Variants in ARHGAP21 observed in about 807,000 individuals in gnomAD.
The protein encoded by ARHGAP21 is rho GTPase-activating protein 21.
A neutral mutation model predicts 164.6 loss-of-function variants in ARHGAP21; 38 were observed. That is an observed-to-expected ratio of 0.23 (90% CI 0.18 to 0.30). ARHGAP21 has a LOEUF of 0.30. Ranked by LOEUF, ARHGAP21 falls within the 10% of genes least tolerant of loss-of-function variation. The pLI is 1.00. For missense variants in ARHGAP21, 1,822 were observed against 2,370.7 expected (o/e 0.77, Z 4.81); for synonymous variants, 766 against 857.9 (o/e 0.89, Z 1.87).
chr10:24,698,783 A>G lies in ARHGAP21; in HGVS notation c.63+23054T>C, dbSNP rs74427990. 7.9e-4 allele frequency among the ~76,000 whole-genome samples: 121 copies of G among 152,244 alleles called. 3 individuals carry two copies. In the East Asian group the frequency reaches 0.02, roughly 25 times the overall value. ...AATTGTTTACAATCCAAACATAACC[A>G]CTTTCCAGCTAAAAGCAATTATGCA... On this transcript the variant is annotated intron_variant, in intron 2 of 25. Coordinates refer to ENST00000396432, the MANE Select transcript of ARHGAP21 (RefSeq NM_020824.4).
chr10:24,633,255 C>T (rs2131349292), intron 6 of ARHGAP21, 147 bp downstream of exon 6: 3 of 531,902 alleles, frequency 5.6e-6, no homozygotes, highest in Non-Finnish European at 9.5e-6. Flanking sequence ...TGGTCCTTGG[C>T]AACTCTCAAA....
chr10:24,668,275 G>A (rs1214808912), intron 3 of ARHGAP21, among the ~76,000 whole-genome samples: 4 of 152,182 alleles, frequency 2.6e-5, no homozygotes, highest in East Asian at 1.9e-4. Flanking sequence ...TAACATTCAC[G>A]AGAAAAATTA....
At chr10:24,589,219 G>GC in intron 25 of ARHGAP21, 52 bp downstream of exon 25, 1 of 1,490,492 alleles carries the variant, frequency 6.7e-7, no homozygotes, top group Non-Finnish European at 9.3e-7. Context: ...ATAACAATCA[G>GC]CCGAAAAACA....
At chr10:24,697,795 G>A (rs1843301442) in intron 2 of ARHGAP21, among the ~76,000 whole-genome samples, 1 of 152,090 alleles carries the variant, frequency 6.6e-6, no homozygotes. Flanking sequence ...GAGAGGCAGA[G>A]GTTGCAGTGA....
chr10:24,697,435 CT>C (rs1843271508), intron 2 of ARHGAP21, among the ~76,000 whole-genome samples: 1 of 152,140 alleles, frequency 6.6e-6, no homozygotes. Context: ...CCCATCTTTT[CT>C]TCTTCTCCAG....
intron 4 of ARHGAP21, among the ~76,000 whole-genome samples, chr10:24,657,700 A>G (rs200598415): frequency 0.49 from 16,957 of 34,620 alleles, 5,363 homozygotes; most frequent in Middle Eastern, 0.68. Flanking sequence ...ATTTTGTTCT[A>G]CACTAAGAAA....
At chr10:24,648,597 C>T (rs1381106869) in intron 4 of ARHGAP21, among the ~76,000 whole-genome samples, 3 of 151,996 alleles carry the variant, frequency 2.0e-5, no homozygotes, top group South Asian at 2.1e-4. Context: ...GTGGCCAACA[C>T]GGTGAAACCC....
In ARHGAP21 at chr10:24,723,673, C is replaced by CCCGCCGCCGCCGCCCCCG. The variant is rs1555028558; in HGVS notation, c.-493_-492insCGGGGGCGGCGGCGGCGG. The stretch of plus-strand genomic sequence containing the variant: ...CCCGCAGCCGGACGATCCCGCGCTG[C>CCCGCCGCCGCCGCCCCCG]CCGCCGCCGCCGCCGCCGCCGCCGC... On this transcript the variant is annotated 5_prime_UTR_variant, in exon 1 of 26. Transcript: ENST00000396432. 1.0e-4 allele frequency: 15 copies of CCCGCCGCCGCCGCCCCCG among 147,286 alleles called. No homozygotes were observed. The highest frequency in any genetic ancestry group is 3.7e-4 in the African/African-American group (15 of 40,508). 9.1% of individuals were successfully genotyped at this position (147,286 alleles called of 1,614,324 possible). A position where few individuals can be genotyped will look rare whatever the true frequency, so the allele number is the denominator to read the frequency against.
intron 2 of ARHGAP21, among the ~76,000 whole-genome samples, chr10:24,715,026 T>C (rs1327671349): frequency 7.2e-5 from 4 of 55,574 alleles, no homozygotes; most frequent in Non-Finnish European, 1.3e-4. Flanking sequence ...TGAGAGTCCA[T>C]CTCAAAAAAA....
chr10:24,632,289 T>C (rs1019412355), intron 6 of ARHGAP21, among the ~76,000 whole-genome samples: 1 of 152,172 alleles, frequency 6.6e-6, no homozygotes, highest in African/African-American at 2.4e-5. Context: ...TATTAACAAA[T>C]ACACTAAGTC....
intron 2 of ARHGAP21, among the ~76,000 whole-genome samples, chr10:24,707,068 G>A (rs960458960): frequency 3.9e-4 from 59 of 152,094 alleles, no homozygotes; most frequent in Middle Eastern, 3.2e-3. Context: ...TCTCAGTAGC[G>A]CCACACAGAG....
intron 2 of ARHGAP21, among the ~76,000 whole-genome samples, chr10:24,673,106 A>G (rs1840872807): frequency 6.6e-6 from 1 of 152,246 alleles, no homozygotes; most frequent in Non-Finnish European, 1.5e-5. Flanking sequence ...TACTGTTACA[A>G]TGTTAACTCT....
rs1429238671 is a variant in ARHGAP21 at position 24,607,744 on chromosome 10, C to T, written c.2581+1G>A. 6.2e-7 allele frequency: 1 copy of T among 1,613,418 alleles called. No homozygotes were observed. Among genetic ancestry groups the T allele is most frequent in the Non-Finnish European group, 8.5e-7 (1 of 1,179,808 alleles). ...TTTACAAAACCACCCTTTAGACGTA[C>T]CGTGGTCATGTGAGAGCTGACGGCG... On this transcript the variant is annotated splice_donor_variant, in intron 10 of 25. Transcript: ENST00000396432. LOFTEE classifies it high-confidence loss of function.
chr10:24,718,939 CTCT>C (rs1001801879), intron 2 of ARHGAP21, among the ~76,000 whole-genome samples: 9 of 151,932 alleles, frequency 5.9e-5, no homozygotes, highest in African/African-American at 1.7e-4. Flanking sequence ...GGAAAGTTTT[CTCT>C]TCTTTGGCTT....
chr10:24,689,058 T>A (rs1352015273), intron 2 of ARHGAP21, among the ~76,000 whole-genome samples: 2 of 152,142 alleles, frequency 1.3e-5, no homozygotes, highest in African/African-American at 4.8e-5. Context: ...AACAGTCTGA[T>A]AGAGACTTTT....
At chr10:24,599,904 C>T (rs1393782653) in intron 14 of ARHGAP21, among the ~76,000 whole-genome samples, 1 of 151,996 alleles carries the variant, frequency 6.6e-6, no homozygotes, top group African/African-American at 2.4e-5. Flanking sequence ...GAGGCCGAGG[C>T]GGGCAGATCA....
chr10:24,616,497 C>A (rs1317157564), intron 9 of ARHGAP21, among the ~76,000 whole-genome samples: 2 of 152,218 alleles, frequency 1.3e-5, no homozygotes, highest in Admixed American at 6.5e-5. Flanking sequence ...ACTTCTAAAT[C>A]ATCTTGATAT....
At chr10:24,641,082 T>C (rs1030181122) in intron 4 of ARHGAP21, among the ~76,000 whole-genome samples, 5 of 152,222 alleles carry the variant, frequency 3.3e-5, no homozygotes, top group African/African-American at 1.2e-4. Context: ...TTTGTTTGCC[T>C]AAAATATTTC....
intron 4 of ARHGAP21, among the ~76,000 whole-genome samples, chr10:24,656,351 C>G (rs1218642789): frequency 1.1e-5 from 1 of 92,874 alleles, no homozygotes; most frequent in African/African-American, 4.8e-5. Flanking sequence ...GGGGGGTCAG[C>G]CCCCCCACCC....
Sources: gnomAD v4.1 joint callset for allele counts (sites outside exome capture counted in the v4.1 genomes callset) on GRCh38, gnomAD v4.1.1 for gene constraint, MANE v1.5 for transcripts, NCBI Gene and HGNC (gene_info 2026-07-23, HGNC 2026-07-21) for gene names.